The following C6orf118 variants were observed in gnomAD, a reference collection of about 807,000 sequenced individuals.
C6orf118 encodes the protein chromosome 6 open reading frame 118.
Under a neutral mutation model 50.2 loss-of-function variants are expected in C6orf118, and 50 were observed. The observed-to-expected ratio is 1.00, with a 90% CI of 0.79 to 1.26. The LOEUF (loss-of-function observed/expected upper bound fraction) is 1.26. C6orf118 is among the 50% of genes most tolerant of loss of function. The probability of loss-of-function intolerance (pLI) is 0.00; values close to 1 mark genes in which losing one functional copy is unlikely to be tolerated. For missense variants in C6orf118, 641 were observed against 578.7 expected, an observed-to-expected ratio of 1.11 and a Z score of -1.10; for synonymous variants, 239 against 230.9, an observed-to-expected ratio of 1.03 and a Z score of -0.32.
At chr6:165,305,040 G>C (rs1780674922) in intron 1 of C6orf118, among the ~76,000 whole-genome samples, 1 of 81,676 alleles carries the variant, frequency 1.2e-5, no homozygotes, top group Non-Finnish European at 2.2e-5. Flanking sequence ...AAAGAACAAA[G>C]CTGGAGGCAT....
intron 2 of C6orf118, among the ~76,000 whole-genome samples, chr6:165,300,901 T>C (rs116345651): frequency 0.048 from 7,243 of 151,982 alleles, 590 homozygotes; most frequent in African/African-American, 0.17. Flanking sequence ...GTCGGCAGCC[T>C]ACCGTAGATC....
intron 7 of C6orf118, among the ~76,000 whole-genome samples, chr6:165,286,021 T>C (rs570334269): frequency 1.1e-3 from 165 of 150,500 alleles, no homozygotes; most frequent in Non-Finnish European, 2.0e-3. Context: ...ATAAAATAAA[T>C]AGACCACTAG....
At chr6:165,302,350 G>A in intron 1 of C6orf118, 54 bp from the exon 2 acceptor site, 2 of 1,570,202 alleles carry the variant, frequency 1.3e-6, no homozygotes, top group Non-Finnish European at 1.7e-6. Context: ...TCCACAGTAA[G>A]TCAGCTGGTG....
rs761851527 is a variant in C6orf118, at chr6:165,302,255, T to C, written c.67A>G (p.Thr23Ala). The C allele has an allele frequency of 1.9e-6, 3 of 1,613,840 alleles. No homozygotes were observed. The highest frequency in any genetic ancestry group is 1.1e-5 in the South Asian group (1 of 91,054). The change falls in exon 2 of 9, where the codon ACC (threonine) becomes GCC (alanine). Residue 23 changes from threonine (T) to alanine (A), a missense_variant. By Grantham distance (58) the Thr-to-Ala change is moderately conservative (BLOSUM62 0). Coordinates refer to ENST00000230301, the MANE Select transcript of C6orf118 (RefSeq NM_144980.4). Reference protein sequence around the residue: ...WKHCETPGVKTLCNLKHCETP... With the variant: ...WKHCETPGVKALCNLKHCETP... The stretch of plus-strand genomic sequence containing the variant: ...TCGCAGTGCTTCAGATTACACAGGG[T>C]CTTCACGCCTGGCGTCTCGCAGTGC...
At chr6:165,289,234 A>G (rs1250040293) in intron 7 of C6orf118, among the ~76,000 whole-genome samples, 1 of 151,962 alleles carries the variant, frequency 6.6e-6, no homozygotes, top group Admixed American at 6.6e-5. Flanking sequence ...TGTAAAAGAG[A>G]AAGAGATAAT....
intron 1 of C6orf118, among the ~76,000 whole-genome samples, chr6:165,309,252 C>A (rs1386843162): frequency 2.6e-5 from 4 of 152,190 alleles, no homozygotes; most frequent in African/African-American, 9.7e-5. Flanking sequence ...CGTCCCTCCT[C>A]CTCCTCCTCC....
rs1483582699 is a variant in C6orf118, at chr6:165,301,689, G to A, written c.633C>T (p.Ser211=). The change falls in exon 2 of 9, where the codon AGC becomes AGT. Residue 211 remains serine, a synonymous_variant. Coordinates refer to ENST00000230301, the MANE Select transcript of C6orf118 (RefSeq NM_144980.4). ...YVSSYLAGAT[S]ADRYRMFLRF... ...GCAGGAACATCCTGTACCTGTCTGC[G>A]CTGGTGGCTCCGGCCAGGTAGGAGC... The A allele has an allele frequency of 8.1e-6, 13 of 1,614,170 alleles. No individual in the cohort carries two copies. The highest frequency in any genetic ancestry group is 1.7e-5 in the Admixed American group (1 of 60,026).
intron 5 of C6orf118, among the ~76,000 whole-genome samples, chr6:165,296,273 T>TTTTTTTTTTTTTTTTTTTTTTTTTTTTC (rs1780304276): frequency 7.9e-6 from 1 of 126,846 alleles, no homozygotes; most frequent in Non-Finnish European, 1.7e-5. Context: ...TTTTTTTTTT[T>TTTTTTTTTTTTTTTTTTTTTTTTTTTTC]TTTTGCCTTG....
intron 2 of C6orf118, 57 bp downstream of exon 2, chr6:165,301,512 C>G: frequency 1.9e-6 from 3 of 1,550,116 alleles, no homozygotes; most frequent in Non-Finnish European, 2.6e-6. Flanking sequence ...AGCACTGCAC[C>G]GAGAGCTATG....
chr6:165,301,430 C>G, intron 2 of C6orf118, 139 bp downstream of exon 2: 3 of 1,231,336 alleles, frequency 2.4e-6, no homozygotes, highest in Non-Finnish European at 3.4e-6. Flanking sequence ...AGGTCTGCAC[C>G]GAGAACACTG....
intron 5 of C6orf118, among the ~76,000 whole-genome samples, chr6:165,295,442 G>A (rs1464713455): frequency 6.6e-6 from 1 of 152,034 alleles, no homozygotes; most frequent in Non-Finnish European, 1.5e-5. Flanking sequence ...ACTATTCCTT[G>A]GTAAGGCAGG....
chr6:165,300,054 G>A (rs564618080), intron 3 of C6orf118, among the ~76,000 whole-genome samples: 2 of 152,208 alleles, frequency 1.3e-5, no homozygotes, highest in South Asian at 4.2e-4. Flanking sequence ...CACATGTAAA[G>A]TTAAATTATT....
Position 165,280,110 on chromosome 6 carries a change from C to T in C6orf118, c.1357G>A (p.Gly453Arg), listed in dbSNP as rs1341019160. ...ATTCCTTGATAAATTTCCAAAGGCC[C>T]CTTAAAATACATAAGAAATGAATAC... Reference protein sequence around the residue: ...ENMILKKKIKGPLEIYQGICK... With the variant: ...ENMILKKKIKRPLEIYQGICK... Residue 453 changes from glycine to arginine, a missense_variant and splice_region_variant, in exon 9 of 9, where the codon GGG (glycine) becomes AGG (arginine). Physicochemically the swap from Gly to Arg is moderately radical, Grantham distance 125. Transcript: ENST00000230301. 1.9e-6 allele frequency: 3 copies of T among 1,596,744 alleles called. No homozygotes were observed. Among genetic ancestry groups the T allele is most frequent in the Non-Finnish European group, 2.6e-6 (3 of 1,170,606 alleles).
rs140500230 is a variant in C6orf118 at position 165,301,664 on chromosome 6, G to T, written c.658C>A (p.Arg220Ser). The T allele has an allele frequency of 6.2e-7, 1 of 1,614,124 alleles. No individual in the cohort carries two copies. Among genetic ancestry groups the T allele is most frequent in the South Asian group, 1.1e-5 (1 of 91,082 alleles). Reference protein sequence around the residue: ...TSADRYRMFLRFQKEVLAKQD... With the variant: ...TSADRYRMFLSFQKEVLAKQD... ...TTGGCGAGCACTTCCTTCTGGAAACGCAGGAACATCCTGTACCTGTCTGCG... is the reference window on the plus strand; with the variant it reads ...TTGGCGAGCACTTCCTTCTGGAAACTCAGGAACATCCTGTACCTGTCTGCG... The change falls in exon 2 of 9, where the codon CGT becomes AGT. Residue 220 changes from arginine (R) to serine (S), a missense_variant. Arg to Ser is a moderately radical substitution (Grantham distance 110). Transcript: ENST00000230301.
intron 7 of C6orf118, among the ~76,000 whole-genome samples, chr6:165,287,008 A>T (rs529804425): frequency 6.6e-6 from 1 of 152,322 alleles, no homozygotes; most frequent in Non-Finnish European, 1.5e-5. Context: ...TGCATATGAC[A>T]TGATTCTACA....
Position 165,281,639 on chromosome 6 carries a change from C to A in C6orf118, c.1356+1G>T, listed in dbSNP as rs564161427. ...AACATTGATTCACACAAAAAACTTA[C>A]TTTTATTTTCTTCTTTAAAATCATA... On this transcript the variant is annotated splice_donor_variant, in intron 8 of 8. Coordinates refer to ENST00000230301, the MANE Select transcript of C6orf118 (RefSeq NM_144980.4). LOFTEE classifies it high-confidence loss of function. 6.7e-7 allele frequency: 1 copy of A among 1,490,566 alleles called. No individual in the cohort carries two copies. The highest frequency in any genetic ancestry group is 2.6e-5 in the East Asian group (1 of 38,416). The allele number at this position is 1,490,566 out of a possible 1,614,324, so 92.3% of individuals were successfully genotyped here.
intron 1 of C6orf118, 43 bp downstream of exon 1, chr6:165,309,519 A>G (rs751526362): frequency 1.9e-6 from 3 of 1,613,058 alleles, no homozygotes; most frequent in Non-Finnish European, 2.5e-6. Context: ...TTGAACATCA[A>G]GCAAATCTCA....
chr6:165,303,059 T>C (rs1780619729), intron 1 of C6orf118, among the ~76,000 whole-genome samples: 3 of 152,230 alleles, frequency 2.0e-5, no homozygotes, highest in Admixed American at 6.5e-5. Context: ...TTTTCTAACC[T>C]AAGAAGGAGA....
Position 165,302,051 on chromosome 6 carries a change from C to T in C6orf118, c.271G>A (p.Ala91Thr), listed in dbSNP as rs140022567. The T allele has an allele frequency of 1.7e-5, 28 of 1,613,518 alleles. No individual in the cohort carries two copies. The highest frequency in any genetic ancestry group is 2.7e-5 in the African/African-American group (2 of 74,894). Reference sequence around the variant, plus strand: ...GCGGGCGGCTCTCCCACCTCAGAGGCGCGCTCCCCCTTGGGCCGGTGGGCA... The same window carrying T: ...GCGGGCGGCTCTCCCACCTCAGAGGTGCGCTCCCCCTTGGGCCGGTGGGCA... ...PNAHRPKGER[A>T]SEVGEPPAGK... Residue 91 changes from alanine to threonine, a missense_variant, in exon 2 of 9, where the codon GCC becomes ACC. Ala to Thr is a moderately conservative substitution (Grantham distance 58). Coordinates refer to ENST00000230301, the MANE Select transcript of C6orf118 (RefSeq NM_144980.4).
Sources: allele counts gnomAD v4.1 joint callset (sites outside exome capture counted in the v4.1 genomes callset), GRCh38; gene constraint gnomAD v4.1.1; transcripts MANE v1.5; gene names NCBI Gene and HGNC (gene_info 2026-07-23, HGNC 2026-07-21).